The following GRID2 variants were observed in gnomAD, a reference collection of about 807,000 sequenced individuals.
GRID2 encodes glutamate receptor ionotropic, delta-2.
GRID2 carries 33 observed loss-of-function variants against 114.8 expected under a neutral mutation model. That is an observed-to-expected ratio of 0.29 (90% CI 0.22 to 0.38). The LOEUF (loss-of-function observed/expected upper bound fraction) is 0.38, where lower values mean the gene tolerates loss of function less well. Among genes scored for constraint, GRID2 ranks in the 10% least tolerant of loss-of-function variants. The pLI, the probability that GRID2 is intolerant of heterozygous loss-of-function variation, is 1.00. For synonymous variants in GRID2, 505 were observed against 449.9 expected, an observed-to-expected ratio of 1.12 and a Z score of -1.55; for missense variants, 1,184 against 1,257.7, an observed-to-expected ratio of 0.94 and a Z score of 0.89.
chr4:93,533,951 A>G (rs1222945019), intron 13 of GRID2, among the ~76,000 whole-genome samples: 2 of 152,112 alleles, frequency 1.3e-5, no homozygotes, highest in East Asian at 1.9e-4. Flanking sequence ...GCTGAATATG[A>G]TCTATGTTCA....
At chr4:92,689,484 C>T (rs1045559605) in intron 2 of GRID2, among the ~76,000 whole-genome samples, 10 of 152,296 alleles carry the variant, frequency 6.6e-5, no homozygotes, top group Admixed American at 6.5e-4. Flanking sequence ...AGGTGACTTG[C>T]GAGCAAGCAT....
In GRID2 at chr4:93,772,397, T is replaced by C. The variant is rs376934004; in HGVS notation, c.2923T>C (p.Phe975Leu). The C allele has an allele frequency of 6.8e-6, 11 of 1,613,848 alleles. No homozygotes were observed. The highest frequency in any genetic ancestry group is 1.3e-5 in the African/African-American group (1 of 74,896). ...FRHRAPNGGF[F>L]RSPIKTMSSI... The stretch of plus-strand genomic sequence containing the variant: ...GCACAGGGCACCTAATGGGGGCTTT[T>C]TCAGGAGTCCTATAAAAACAATGTC... The change falls in exon 16 of 16, where the codon TTC (phenylalanine) becomes CTC (leucine). Residue 975 changes from phenylalanine to leucine, a missense_variant. Transcript: ENST00000282020.
At chr4:93,426,141 T>C (rs184047841) in intron 10 of GRID2, among the ~76,000 whole-genome samples, 47 of 152,286 alleles carry the variant, frequency 3.1e-4, no homozygotes, top group African/African-American at 1.1e-3. Flanking sequence ...AATAAAGCTA[T>C]TTCTATATTC....
chr4:92,518,207 A>G (rs1724599757), intron 1 of GRID2, among the ~76,000 whole-genome samples: 1 of 149,462 alleles, frequency 6.7e-6, no homozygotes, highest in Admixed American at 6.7e-5. Flanking sequence ...TAGGCTCTTC[A>G]GTGGATTCTT....
intron 1 of GRID2, among the ~76,000 whole-genome samples, chr4:92,544,882 C>T (rs185090897): frequency 6.6e-6 from 1 of 152,102 alleles, no homozygotes; most frequent in African/African-American, 2.4e-5. Context: ...TAAATCATGC[C>T]GCATTCTTAT....
chr4:92,435,623 A>C (rs1202910977), intron 1 of GRID2, among the ~76,000 whole-genome samples: 1 of 152,194 alleles, frequency 6.6e-6, no homozygotes, highest in Non-Finnish European at 1.5e-5. Context: ...AGAGAAGAAA[A>C]GCTTTTCACT....
intron 8 of GRID2, among the ~76,000 whole-genome samples, 193 bp downstream of exon 8, chr4:93,238,683 T>C (rs1747106555): frequency 6.6e-6 from 1 of 151,774 alleles, no homozygotes; most frequent in Non-Finnish European, 1.5e-5. Flanking sequence ...GAAATTCTAT[T>C]TCCGACTTAG....
At chr4:93,149,102 C>A (rs1239318326) in intron 4 of GRID2, among the ~76,000 whole-genome samples, 1 of 152,074 alleles carries the variant, frequency 6.6e-6, no homozygotes, top group Admixed American at 6.6e-5. Context: ...GTTTGTGACC[C>A]CTCAGCAGCA....
chr4:93,267,241 G>A (rs1347988167), intron 8 of GRID2, among the ~76,000 whole-genome samples: 2 of 150,526 alleles, frequency 1.3e-5, no homozygotes, highest in African/African-American at 4.9e-5. Context: ...CATTGTGCAG[G>A]TTAGTTACAT....
chr4:92,753,481 T>A (rs72663556), intron 2 of GRID2, among the ~76,000 whole-genome samples: 1 of 152,156 alleles, frequency 6.6e-6, no homozygotes, highest in South Asian at 2.1e-4. Context: ...AAAAGCATCC[T>A]TATGCATCCT....
intron 13 of GRID2, among the ~76,000 whole-genome samples, chr4:93,546,254 G>T (rs926987324): frequency 6.6e-6 from 1 of 152,124 alleles, no homozygotes; most frequent in African/African-American, 2.4e-5. Flanking sequence ...TTATTCGAGC[G>T]CCAAGTGTAA....
rs184157199 is a variant in GRID2, at chr4:92,976,437, C to T, written c.245-108558C>T. On this transcript the variant is annotated intron_variant, in intron 2 of 15. Coordinates refer to ENST00000282020, the MANE Select transcript of GRID2 (RefSeq NM_001510.4). ...CATTTATGCAGTTGTAGCAATTGAA[C>T]CTGTGCTGTGTGTGTTCTATAACAA... 1.6e-3 allele frequency among the ~76,000 whole-genome samples: 241 copies of T among 152,040 alleles called. 1 individual carries two copies. Among genetic ancestry groups the T allele is most frequent in the South Asian group, 2.9e-3 (14 of 4,824 alleles).
chr4:93,194,890 C>A (rs992136912), intron 4 of GRID2, among the ~76,000 whole-genome samples: 1 of 152,072 alleles, frequency 6.6e-6, no homozygotes, highest in Non-Finnish European at 1.5e-5. Flanking sequence ...GTTTAAAAAG[C>A]CCTCCAGGTG....
chr4:93,408,366 ATTTTCTT>A (rs1766746870), intron 9 of GRID2, among the ~76,000 whole-genome samples: 1 of 122,070 alleles, frequency 8.2e-6, no homozygotes, highest in Non-Finnish European at 1.9e-5. Context: ...ACTAATGCTC[ATTTTCTT>A]TTTTTTTTTA....
At chr4:92,615,995 T>C (rs1400522409) in intron 2 of GRID2, among the ~76,000 whole-genome samples, 1 of 151,680 alleles carries the variant, frequency 6.6e-6, no homozygotes, top group Non-Finnish European at 1.5e-5. Flanking sequence ...TATGCATTTC[T>C]TTTAAATCAG....
intron 8 of GRID2, among the ~76,000 whole-genome samples, chr4:93,331,772 T>G (rs1285501425): frequency 6.6e-6 from 1 of 152,140 alleles, no homozygotes; most frequent in Admixed American, 6.6e-5. Context: ...TAAATAATAA[T>G]TGATCCATAA....
chr4:93,369,002 G>A (rs149426616), intron 8 of GRID2, among the ~76,000 whole-genome samples: 2 of 152,236 alleles, frequency 1.3e-5, no homozygotes, highest in African/African-American at 2.4e-5. Context: ...AGTCCCAAAC[G>A]ATTAAAACAG....
intron 14 of GRID2, among the ~76,000 whole-genome samples, chr4:93,747,374 T>G (rs1425995695): frequency 1.3e-5 from 2 of 152,118 alleles, no homozygotes; most frequent in Non-Finnish European, 2.9e-5. Flanking sequence ...GTGTAGCTCT[T>G]ATCTCAGCCA....
chr4:92,867,390 G>A (rs1441013095), intron 2 of GRID2, among the ~76,000 whole-genome samples: 2 of 152,016 alleles, frequency 1.3e-5, no homozygotes, highest in Middle Eastern at 3.2e-3. Flanking sequence ...ACACCACCAA[G>A]AGCAGTGTGC....
Sources: gnomAD v4.1 joint callset for allele counts (sites outside exome capture counted in the v4.1 genomes callset) on GRCh38, gnomAD v4.1.1 for gene constraint, MANE v1.5 for transcripts, NCBI Gene and HGNC (gene_info 2026-07-23, HGNC 2026-07-21) for gene names.